The following KIF1A variants were observed in gnomAD, a reference collection of about 807,000 sequenced individuals.
The protein encoded by KIF1A is kinesin-like protein KIF1A.
In KIF1A, 46 loss-of-function variants were observed where a neutral mutation model predicts 227.3. The ratio of observed to expected loss-of-function variants is 0.20; its 90% confidence interval spans 0.16 to 0.26. The LOEUF (loss-of-function observed/expected upper bound fraction) is 0.26. KIF1A is among the 10% of genes least tolerant of loss of function. The pLI is 1.00. For missense variants in KIF1A, 1,683 were observed against 2,485.9 expected, an observed-to-expected ratio of 0.68 and a Z score of 6.87; for synonymous variants, 1,022 against 1,012.8, an observed-to-expected ratio of 1.01 and a Z score of -0.17.
chr2:240,803,458 A>G (rs1314185594), intron 1 of KIF1A, among the ~76,000 whole-genome samples: 1 of 152,248 alleles, frequency 6.6e-6, no homozygotes, highest in Non-Finnish European at 1.5e-5. Context: ...GTCTCCACGC[A>G]GGTCTGCTTT....
chr2:240,738,242 C>A (rs2047575675), intron 37 of KIF1A, among the ~76,000 whole-genome samples: 2 of 152,224 alleles, frequency 1.3e-5, no homozygotes, highest in Admixed American at 6.5e-5. Context: ...AAAACTGACA[C>A]CCATGAGCCC....
Position 240,740,310 on chromosome 2 carries a change from G to A in KIF1A, c.3804C>T (p.Phe1268=). 1 of 1,613,542 alleles carries A rather than the reference G, an allele frequency of 6.2e-7. No homozygotes were observed. The highest frequency in any genetic ancestry group is 8.5e-7 in the Non-Finnish European group (1 of 1,179,714). ...GAGGGGCTCACACCTGGTGGAGGAG[G>A]AAGGTCCCCATGCATGGCATGCCCC... ...HRGGMPCMGT[F]LLHQGIQRRI... Residue 1268 remains phenylalanine (F), a synonymous_variant, in exon 36 of 49, where the codon TTC becomes TTT. Transcript: ENST00000498729. This position sits in a 1 kb window ranked among gnomAD's most constrained non-coding sequence, Gnocchi z 6.1.
rs2051139892 is a variant in KIF1A, at chr2:240,766,131, A to G, written c.1685-338T>C. ...CAGCTAATGGGGCCTGGGCCGTCCC[A>G]CAGGAGAGGGTAGGCAGGGCTTTGC... On this transcript the variant is annotated intron_variant, in intron 19 of 48. Coordinates refer to ENST00000498729, the MANE Select transcript of KIF1A (RefSeq NM_001244008.2). The surrounding 1 kb of genome is among the most constrained non-coding windows in gnomAD (Gnocchi z 5.0). 6.6e-6 allele frequency among the ~76,000 whole-genome samples: 1 copy of G among 152,254 alleles called. No individual in the cohort carries two copies. Among genetic ancestry groups the G allele is most frequent in the Admixed American group, 6.5e-5 (1 of 15,288 alleles).
At position 240,726,862 on chromosome 2, in the gene KIF1A, T is replaced by C. The variant is rs780152557; in HGVS notation, c.4086A>G (p.Arg1362=). 19 of 1,612,518 alleles carry C rather than the reference T, an allele frequency of 1.2e-5. No individual in the cohort carries two copies. Among genetic ancestry groups the C allele is most frequent in the Admixed American group, 3.3e-5 (2 of 59,926 alleles). ...CGGAGAGTGTCATGTAGATTTTCTC[T>C]CGATAAGGGGTGACCCGGTTCAGCA... ...SLLLNRVTPY[R]EKIYMTLSAY... The change falls in exon 39 of 49, where the codon CGA becomes CGG. Residue 1362 remains arginine, a synonymous_variant. Transcript: ENST00000498729. This position sits in a 1 kb window ranked among gnomAD's most constrained non-coding sequence, Gnocchi z 5.2.
chr2:240,807,672 G>T (rs1264843352), intron 1 of KIF1A, among the ~76,000 whole-genome samples: 1 of 152,168 alleles, frequency 6.6e-6, no homozygotes, highest in Non-Finnish European at 1.5e-5. Flanking sequence ...TGTACTCCTA[G>T]CTCATTCACT....
At chr2:240,809,888 A>T (rs1448444664) in intron 1 of KIF1A, among the ~76,000 whole-genome samples, 28 of 16,956 alleles carry the variant, frequency 1.7e-3, no homozygotes, top group South Asian at 4.0e-3. Context: ...AAGTATAATA[A>T]AAAAAAAAAA....
intron 10 of KIF1A, chr2:240,782,248 TCCCC>T: frequency 5.2e-6 from 5 of 965,720 alleles, no homozygotes; most frequent in Non-Finnish European, 6.2e-6. Context: ...CTCTCAGGGC[TCCCC>T]AGCCCTCTCC....
intron 1 of KIF1A, among the ~76,000 whole-genome samples, chr2:240,812,956 A>ACCTCGGAGATCTGCCTTCACCTCGG (rs1559550038): frequency 2.5e-4 from 15 of 60,250 alleles, no homozygotes; most frequent in East Asian, 1.1e-3. Flanking sequence ...CTTCACCTCA[A>ACCTCGGAGATCTGCCTTCACCTCGG]GGATCCACCT....
At chr2:240,721,595 G>A (rs983102095) in intron 44 of KIF1A, among the ~76,000 whole-genome samples, 5 of 152,146 alleles carry the variant, frequency 3.3e-5, no homozygotes, top group South Asian at 2.1e-4. Flanking sequence ...GGACCCACCC[G>A]GCCCCTCACT....
At chr2:240,799,740 T>C (rs2056792373) in intron 1 of KIF1A, among the ~76,000 whole-genome samples, 1 of 152,196 alleles carries the variant, frequency 6.6e-6, no homozygotes, top group Admixed American at 6.5e-5. Context: ...CCGCAAGGTT[T>C]CTAGGGAGCA....
rs1287545484 is a variant in KIF1A, at chr2:240,752,848, A to G, written c.2859-2301T>C. ...CGGAGAGGGGGCAGGACCTGGGACC[A>G]CTCCCACTGTGGGCCAGGTGAGGAC... On this transcript the variant is annotated intron_variant, in intron 27 of 48. Transcript: ENST00000498729. This position sits in a 1 kb window ranked among gnomAD's most constrained non-coding sequence, Gnocchi z 6.4. Among the ~76,000 whole-genome samples the G allele has an allele frequency of 6.6e-6, 1 of 152,018 alleles. No homozygotes were observed. Among genetic ancestry groups the G allele is most frequent in the Non-Finnish European group, 1.5e-5 (1 of 67,978 alleles).
chr2:240,780,310 G>A (rs562464384), intron 10 of KIF1A, among the ~76,000 whole-genome samples: 20 of 151,554 alleles, frequency 1.3e-4, no homozygotes, highest in Non-Finnish European at 1.6e-4. Context: ...ACACACTTCC[G>A]CTCCCATTTC....
Position 240,719,980 on chromosome 2 carries a change from G to A in KIF1A, c.4869-54C>T, listed in dbSNP as rs377641118. 81 of 1,518,202 alleles carry A rather than the reference G, an allele frequency of 5.3e-5. 2 individuals are homozygous for A. Among genetic ancestry groups the A allele is most frequent in the South Asian group, 4.2e-4 (33 of 78,478 alleles). The allele number at this position is 1,518,202 out of a possible 1,614,324, so 94.0% of individuals were successfully genotyped here. A position where few individuals can be genotyped will look rare whatever the true frequency, so the allele number is the denominator to read the frequency against. On this transcript the variant is annotated intron_variant, in intron 45 of 48. Transcript: ENST00000498729. ...TGCAGGCCTCCCTGGGCCTGGGGCC[G>A]TCTTCCCCCAGGCTTCACCCTCCTC... is the stretch of plus-strand genomic sequence containing the variant.
At chr2:240,787,938 T>C in intron 4 of KIF1A, 113 bp downstream of exon 4, 1 of 1,048,878 alleles carries the variant, frequency 9.5e-7, no homozygotes, top group Non-Finnish European at 1.4e-6. Context: ...CTTCCCCTCC[T>C]GACTCCCTGC....
chr2:240,783,878 C>A, intron 7 of KIF1A, 62 bp from the exon 8 acceptor site: 1 of 1,312,108 alleles, frequency 7.6e-7, no homozygotes, highest in Non-Finnish European at 1.1e-6. Flanking sequence ...CATCCCAGGA[C>A]CCCTGGGCAA....
At chr2:240,781,701 G>C (rs995814677) in intron 10 of KIF1A, 1 of 938,194 alleles carries the variant, frequency 1.1e-6, no homozygotes, top group Non-Finnish European at 1.3e-6. Context: ...CCCACGCAGT[G>C]TCCTGTGCCG....
intron 1 of KIF1A, among the ~76,000 whole-genome samples, chr2:240,810,112 C>A (rs2057747092): frequency 1.3e-5 from 2 of 152,058 alleles, no homozygotes; most frequent in African/African-American, 4.8e-5. Flanking sequence ...CCGCACCCAG[C>A]CGGAAAGATT....
At chr2:240,817,290 C>T (rs2058400212) in intron 1 of KIF1A, among the ~76,000 whole-genome samples, 1 of 152,194 alleles carries the variant, frequency 6.6e-6, no homozygotes, top group Non-Finnish European at 1.5e-5. Flanking sequence ...CAGAGACGCT[C>T]CTGGGCATGG....
At chr2:240,816,062 G>C (rs1394245463) in intron 1 of KIF1A, among the ~76,000 whole-genome samples, 1 of 152,160 alleles carries the variant, frequency 6.6e-6, no homozygotes, top group Non-Finnish European at 1.5e-5. Context: ...CAGCATTTGA[G>C]GGGGACCTAA....
Sources: allele counts gnomAD v4.1 joint callset (sites outside exome capture counted in the v4.1 genomes callset), GRCh38; gene constraint gnomAD v4.1.1; non-coding constraint Gnocchi (gnomAD v3.1); transcripts MANE v1.5; gene names NCBI Gene and HGNC (gene_info 2026-07-23, HGNC 2026-07-21).